DCHS2: variants seen among roughly 807,000 people sequenced by gnomAD.
DCHS2 encodes the protein protocadherin-23.
Under a neutral mutation model 182.4 loss-of-function variants are expected in DCHS2, and 142 were observed. The observed-to-expected ratio is 0.78, with a 90% CI of 0.68 to 0.89. The LOEUF is 0.89. Among genes scored for constraint, DCHS2 ranks in the 40% least tolerant of loss-of-function variants. The probability of loss-of-function intolerance (pLI) is 0.00; values close to 1 mark genes in which losing one functional copy is unlikely to be tolerated. For missense variants in DCHS2, 4,319 were observed against 4,198.6 expected (o/e 1.03, Z -0.79); for synonymous variants, 1,740 against 1,663.3 (o/e 1.05, Z -1.12).
In DCHS2 at chr4:154,298,631, G is replaced by T. The variant is rs1444022027; in HGVS notation, c.5683C>A (p.Gln1895Lys). 3 of 1,613,898 alleles carry T rather than the reference G, an allele frequency of 1.9e-6. No individual in the cohort carries two copies. The highest frequency in any genetic ancestry group is 2.5e-6 in the Non-Finnish European group (3 of 1,179,952). The change falls in exon 13 of 20, where the codon CAA (glutamine) becomes AAA (lysine). Residue 1895 changes from glutamine (Q) to lysine (K), a missense_variant. Coordinates refer to ENST00000357232, the MANE Select transcript of DCHS2 (RefSeq NM_001358235.2). ...LSTTRALDRE[Q>K]ISNFTLVILC... is the part of the protein sequence containing the mutation. ...ATGACAAGGGTAAAATTGCTGATTTGCTCCCGGTCCAAAGCACGAGTGGTT... is the reference window on the plus strand; with the variant it reads ...ATGACAAGGGTAAAATTGCTGATTTTCTCCCGGTCCAAAGCACGAGTGGTT...
At chr4:154,357,368 C>G in intron 3 of DCHS2, 1 of 1,318,098 alleles carries the variant, frequency 7.6e-7, no homozygotes, top group African/African-American at 1.5e-5. Flanking sequence ...CAGGGAAAAG[C>G]AAAAAGAAAA....
intron 16 of DCHS2, among the ~76,000 whole-genome samples, chr4:154,250,572 C>T (rs1390628352): frequency 6.6e-6 from 1 of 152,152 alleles, no homozygotes; most frequent in Non-Finnish European, 1.5e-5. Context: ...TGTTCCTCTC[C>T]CTTCCTTTCC....
intron 13 of DCHS2, among the ~76,000 whole-genome samples, chr4:154,291,223 C>CA (rs1267603097): frequency 6.6e-6 from 1 of 151,754 alleles, no homozygotes; most frequent in African/African-American, 2.4e-5. Context: ...AAATGCAAAT[C>CA]AAAAAACTAC....
At chr4:154,273,454 G>C (rs4321616) in intron 13 of DCHS2, among the ~76,000 whole-genome samples, 72,965 of 151,810 alleles carry the variant, frequency 0.48, 18,907 homozygotes, top group Non-Finnish European at 0.58. Flanking sequence ...GGGGACTTGG[G>C]GGAAAAGGTG....
intron 13 of DCHS2, among the ~76,000 whole-genome samples, chr4:154,287,357 A>C (rs1482404160): frequency 2.0e-5 from 3 of 152,204 alleles, no homozygotes; most frequent in Non-Finnish European, 4.4e-5. Flanking sequence ...TCTAAGTAGA[A>C]AGACTAAACA....
intron 3 of DCHS2, among the ~76,000 whole-genome samples, chr4:154,347,343 C>T (rs1349669724): frequency 2.0e-5 from 3 of 150,550 alleles, no homozygotes; most frequent in Non-Finnish European, 4.4e-5. Flanking sequence ...AAGAAAAGAG[C>T]ATGGAGTCAG....
intron 1 of DCHS2, among the ~76,000 whole-genome samples, chr4:154,435,541 A>G (rs896775995): frequency 6.6e-6 from 1 of 151,886 alleles, no homozygotes; most frequent in Non-Finnish European, 1.5e-5. Flanking sequence ...GCTTGCAGTG[A>G]GCCCAGATTG....
At chr4:154,444,598 G>A (rs193259543) in intron 1 of DCHS2, among the ~76,000 whole-genome samples, 27 of 152,140 alleles carry the variant, frequency 1.8e-4, no homozygotes, top group African/African-American at 5.3e-4. Context: ...GCCTCTTCAC[G>A]GCTCTCCCTG....
At chr4:154,357,696 A>G (rs910536968) in intron 3 of DCHS2, among the ~76,000 whole-genome samples, 2 of 152,084 alleles carry the variant, frequency 1.3e-5, no homozygotes, top group Admixed American at 6.6e-5. Context: ...GTCTTGGTAA[A>G]TTCTTCTTAC....
At chr4:154,309,502 T>C (rs1343144571) in intron 10 of DCHS2, among the ~76,000 whole-genome samples, 1 of 152,174 alleles carries the variant, frequency 6.6e-6, no homozygotes, top group African/African-American at 2.4e-5. Context: ...TTCCCAGTAT[T>C]AGGGGTGGTA....
intron 7 of DCHS2, among the ~76,000 whole-genome samples, chr4:154,323,846 A>T (rs955001687): frequency 2.0e-5 from 3 of 150,756 alleles, no homozygotes; most frequent in Non-Finnish European, 4.4e-5. Context: ...GTATATGCAA[A>T]TATCCCTCCC....
chr4:154,279,279 A>G (rs924424115), intron 13 of DCHS2, among the ~76,000 whole-genome samples: 2 of 152,084 alleles, frequency 1.3e-5, no homozygotes, highest in Non-Finnish European at 2.9e-5. Flanking sequence ...TGCTACAAAA[A>G]ATTAACAAAA....
chr4:154,343,549 T>G (rs1182441510), intron 3 of DCHS2: 1 of 1,528,606 alleles, frequency 6.5e-7, no homozygotes, highest in South Asian at 1.3e-5. Context: ...TCTTGCACTT[T>G]TAGGTAATGG....
At chr4:154,348,403 G>T (rs1039903208) in intron 3 of DCHS2, among the ~76,000 whole-genome samples, 1 of 151,914 alleles carries the variant, frequency 6.6e-6, no homozygotes, top group African/African-American at 2.4e-5. Flanking sequence ...ATTGAGAAAA[G>T]AATCGAGTAT....
intron 3 of DCHS2, among the ~76,000 whole-genome samples, chr4:154,336,176 T>G (rs904325622): frequency 1.3e-5 from 2 of 152,102 alleles, no homozygotes; most frequent in Admixed American, 6.6e-5. Context: ...GTAAAGACAA[T>G]GGGGACAAGA....
intron 1 of DCHS2, among the ~76,000 whole-genome samples, chr4:154,394,413 A>G (rs1424165386): frequency 1.3e-5 from 2 of 152,214 alleles, no homozygotes; most frequent in African/African-American, 4.8e-5. Context: ...GACCTTGGAC[A>G]GTAACTTAAC....
chr4:154,282,413 C>T (rs568424721), intron 13 of DCHS2, among the ~76,000 whole-genome samples: 1 of 151,592 alleles, frequency 6.6e-6, no homozygotes, highest in South Asian at 2.1e-4. Flanking sequence ...TCCAAACGGT[C>T]AATATCATTA....
Position 154,236,783 on chromosome 4 carries a change from C to T in DCHS2, c.7869G>A (p.Leu2623=), listed in dbSNP as rs780749103. ...QVGYLVLLHS[L]DREASASHEL... The stretch of plus-strand genomic sequence containing the variant: ...CATGGCTAGCACTTGCTTCTCTGTC[C>T]AGACTGTGAAGCAACACAAGATAAC... Residue 2623 remains leucine, a synonymous_variant, in exon 20 of 20, where the codon CTG becomes CTA. Transcript: ENST00000357232. 6.2e-7 allele frequency: 1 copy of T among 1,613,804 alleles called. No individual in the cohort carries two copies. Among genetic ancestry groups the T allele is most frequent in the Non-Finnish European group, 8.5e-7 (1 of 1,179,954 alleles).
chr4:154,412,369 G>A (rs1283187284), intron 1 of DCHS2, among the ~76,000 whole-genome samples: 6 of 152,132 alleles, frequency 3.9e-5, no homozygotes, highest in Non-Finnish European at 8.8e-5. Context: ...TTCAGAGTGA[G>A]TAATCCTCTT....
Sources: gnomAD v4.1 joint callset for allele counts (sites outside exome capture counted in the v4.1 genomes callset) on GRCh38, gnomAD v4.1.1 for gene constraint, MANE v1.5 for transcripts, NCBI Gene and HGNC (gene_info 2026-07-23, HGNC 2026-07-21) for gene names.